Variants in CRACR2A observed in about 807,000 individuals in gnomAD.
CRACR2A encodes the protein calcium release activated channel regulator 2A.
CRACR2A carries 79 observed loss-of-function variants against 90.5 expected under a neutral mutation model. That is an observed-to-expected ratio of 0.87 (90% confidence interval 0.73 to 1.05). The LOEUF (loss-of-function observed/expected upper bound fraction) is 1.05, where lower values mean the gene tolerates loss of function less well. Ranked by LOEUF, CRACR2A falls within the 50% of genes least tolerant of loss-of-function variation. The probability of loss-of-function intolerance (pLI) is 0.00; values close to 1 mark genes in which losing one functional copy is unlikely to be tolerated. For synonymous variants in CRACR2A, 338 were observed against 356.7 expected, an observed-to-expected ratio of 0.95 and a Z score of 0.59; for missense variants, 823 against 897.2, an observed-to-expected ratio of 0.92 and a Z score of 1.06.
At chr12:3,720,126 GA>G (rs1170608933) in intron 2 of CRACR2A, among the ~76,000 whole-genome samples, 1 of 121,630 alleles carries the variant, frequency 8.2e-6, no homozygotes, top group Non-Finnish European at 1.6e-5. Context: ...TCTCAAGAAA[GA>G]AAGAAAGAAA....
chr12:3,726,575 A>G (rs984284248), intron 2 of CRACR2A: 1 of 152,160 alleles, frequency 6.6e-6, no homozygotes, highest in African/African-American at 2.4e-5. Context: ...CTGGCCGTAT[A>G]TGATAACAGG....
chr12:3,705,675 T>C (rs765273663), intron 3 of CRACR2A, among the ~76,000 whole-genome samples: 2 of 152,156 alleles, frequency 1.3e-5, no homozygotes, highest in East Asian at 3.8e-4. Context: ...GGCAAAGAGA[T>C]AGGTGGGTCT....
At chr12:3,687,810 A>G (rs1475838543) in intron 4 of CRACR2A, among the ~76,000 whole-genome samples, 9 of 152,316 alleles carry the variant, frequency 5.9e-5, no homozygotes, top group Non-Finnish European at 1.0e-4. Context: ...TCCCACCAAC[A>G]GTGTGTAAGT....
At chr12:3,617,340 G>C (rs1867709838) in intron 18 of CRACR2A, among the ~76,000 whole-genome samples, 1 of 152,140 alleles carries the variant, frequency 6.6e-6, no homozygotes, top group African/African-American at 2.4e-5. Context: ...CTCATTCCAG[G>C]TTACACCAGC....
intron 1 of CRACR2A, among the ~76,000 whole-genome samples, chr12:3,749,573 G>C (rs897293227): frequency 6.6e-6 from 1 of 151,834 alleles, no homozygotes; most frequent in Non-Finnish European, 1.5e-5. Flanking sequence ...TTCCCTGTCC[G>C]TGCCTTAGGA....
chr12:3,678,186 A>C (rs1412142958), intron 6 of CRACR2A, among the ~76,000 whole-genome samples: 1 of 152,160 alleles, frequency 6.6e-6, no homozygotes, highest in African/African-American at 2.4e-5. Context: ...ACTAGCTGTA[A>C]CACCACATTT....
chr12:3,685,934 A>T (rs866294451), intron 4 of CRACR2A, among the ~76,000 whole-genome samples: 1 of 152,226 alleles, frequency 6.6e-6, no homozygotes, highest in African/African-American at 2.4e-5. Context: ...AATGCAGAGG[A>T]CATCAGGTAC....
At chr12:3,645,929 G>C (rs943466734) in intron 11 of CRACR2A, among the ~76,000 whole-genome samples, 1 of 152,172 alleles carries the variant, frequency 6.6e-6, no homozygotes, top group Non-Finnish European at 1.5e-5. Context: ...ACAAATGCTG[G>C]ACTAGTCCTT....
At chr12:3,713,362 G>C (rs1946035573) in intron 2 of CRACR2A, 45 bp from the exon 3 acceptor site, 1 of 952,326 alleles carries the variant, frequency 1.1e-6, no homozygotes, top group Non-Finnish European at 1.3e-6. Flanking sequence ...TTTCCACTGA[G>C]GGTTACAACA....
At chr12:3,660,360 G>A (rs1945006949) in intron 7 of CRACR2A, among the ~76,000 whole-genome samples, 1 of 152,208 alleles carries the variant, frequency 6.6e-6, no homozygotes, top group African/African-American at 2.4e-5. Context: ...AGGCTGGTTG[G>A]AGGATGGCGA....
chr12:3,720,225 A>AAAAGAAAGAAAGAAAGAAAGAAAG (rs757788405), intron 2 of CRACR2A, among the ~76,000 whole-genome samples: 1 of 125,504 alleles, frequency 8.0e-6, no homozygotes, highest in African/African-American at 3.2e-5. Flanking sequence ...AGAAGAAAGA[A>AAAAGAAAGAAAGAAAGAAAGAAAG]AAAGAAAGAA....
At chr12:3,668,323 G>T (rs867106232) in intron 7 of CRACR2A, among the ~76,000 whole-genome samples, 1 of 152,200 alleles carries the variant, frequency 6.6e-6, no homozygotes, top group African/African-American at 2.4e-5. Context: ...GCATTTCTCA[G>T]AGTGTGGTCT....
At chr12:3,744,942 G>A (rs1946587349) in intron 1 of CRACR2A, among the ~76,000 whole-genome samples, 1 of 152,146 alleles carries the variant, frequency 6.6e-6, no homozygotes, top group Non-Finnish European at 1.5e-5. Flanking sequence ...TACATTTTAT[G>A]TTATGTATAT....
At chr12:3,675,929 AC>A (rs1292713707) in intron 6 of CRACR2A, among the ~76,000 whole-genome samples, 6 of 152,130 alleles carry the variant, frequency 3.9e-5, no homozygotes, top group Non-Finnish European at 7.4e-5. Flanking sequence ...TGGGAAATGG[AC>A]ATGACTCTCT....
At position 3,746,126 on chromosome 12, in the gene CRACR2A, A is replaced by G. The variant is rs1277448328; in HGVS notation, c.-387+6889T>C. Reference sequence around the variant, plus strand: ...TCCTCTCTAAAGCCATGAGAAATATACTTTACTTACTTGCCTATAAACACT... The same window carrying G: ...TCCTCTCTAAAGCCATGAGAAATATGCTTTACTTACTTGCCTATAAACACT... On this transcript the variant is annotated intron_variant, in intron 1 of 19. Transcript: ENST00000440314. This position sits in a 1 kb window ranked among gnomAD's most constrained non-coding sequence, Gnocchi z 4.4. Among the ~76,000 whole-genome samples, 1 of 152,098 alleles carries G rather than the reference A, an allele frequency of 6.6e-6. No individual in the cohort carries two copies. The highest frequency in any genetic ancestry group is 1.5e-5 in the Non-Finnish European group (1 of 68,018).
intron 2 of CRACR2A, among the ~76,000 whole-genome samples, chr12:3,716,111 A>G (rs746198065): frequency 2.0e-5 from 3 of 150,652 alleles, no homozygotes; most frequent in Non-Finnish European, 4.4e-5. Context: ...TGGCTTTCTC[A>G]TAATAAATGC....
intron 3 of CRACR2A, among the ~76,000 whole-genome samples, chr12:3,712,458 T>G (rs971113552): frequency 9.9e-5 from 15 of 152,136 alleles, no homozygotes; most frequent in Admixed American, 4.6e-4. Context: ...GCATGTCAGA[T>G]GGCAAAGCAG....
At chr12:3,748,371 C>T (rs2137929651) in intron 1 of CRACR2A, among the ~76,000 whole-genome samples, 1 of 152,296 alleles carries the variant, frequency 6.6e-6, no homozygotes, top group South Asian at 2.1e-4. Flanking sequence ...GAGCCTGCTG[C>T]CCCATAAATG....
intron 6 of CRACR2A, among the ~76,000 whole-genome samples, 168 bp from the exon 7 acceptor site, chr12:3,673,760 G>A (rs61908560): frequency 0.15 from 22,488 of 152,188 alleles, 1,839 homozygotes; most frequent in South Asian, 0.26. Context: ...GGAGCTTCAA[G>A]GATATCAGCT....
Sources: allele counts gnomAD v4.1 joint callset (sites outside exome capture counted in the v4.1 genomes callset), GRCh38; gene constraint gnomAD v4.1.1; non-coding constraint Gnocchi (gnomAD v3.1); transcripts MANE v1.5; gene names NCBI Gene and HGNC (gene_info 2026-07-23, HGNC 2026-07-21).